Variants in FLYWCH2 observed in about 807,000 individuals in gnomAD.
FLYWCH2 encodes FLYWCH family member 2.
Under a neutral mutation model 6.0 loss-of-function variants are expected in FLYWCH2, and 2 were observed. The ratio of observed to expected loss-of-function variants is 0.33; its 90% CI spans 0.14 to 1.04. The LOEUF is 1.04. Ranked by LOEUF, FLYWCH2 falls within the 50% of genes least tolerant of loss-of-function variation. FLYWCH2 has a pLI of 0.45. For synonymous variants in FLYWCH2, 87 were observed against 79.3 expected (o/e 1.10, Z -0.52); for missense variants, 192 against 183.4 (o/e 1.05, Z -0.27).
rs1172960344 is a variant in FLYWCH2, at chr16:2,884,561, A to AAAAAAACAAAAAC, written c.-200+1201_-200+1202insCAAAAACAAAAAA. Among the ~76,000 whole-genome samples, 33 of 141,006 alleles carry AAAAAAACAAAAAC rather than the reference A, an allele frequency of 2.3e-4. 1 individual carries two copies. The highest frequency in any genetic ancestry group is 1.2e-3 in the Admixed American group (17 of 14,058). 92.5% of individuals were successfully genotyped at this position (141,006 alleles called of 152,430 possible). Reference sequence around the variant, plus strand: ...CATGGTGAAACCCCGTCTCTACTAAAAAAAAAAAAAAAAAAATACAAAAAT... The same window carrying AAAAAAACAAAAAC: ...CATGGTGAAACCCCGTCTCTACTAAAAAAAAACAAAAACAAAAAAAAAAAAAAAATACAAAAAT... On this transcript the variant is annotated intron_variant, in intron 1 of 3. Coordinates refer to ENST00000396958, the MANE Select transcript of FLYWCH2 (RefSeq NM_138439.3).
chr16:2,885,105 G>A (rs1262831874), intron 1 of FLYWCH2, among the ~76,000 whole-genome samples: 2 of 152,030 alleles, frequency 1.3e-5, no homozygotes, highest in African/African-American at 4.8e-5. Flanking sequence ...GGCGGATCAC[G>A]AGGTCAGGAG....
At chr16:2,888,755 C>T (rs947977453) in intron 1 of FLYWCH2, among the ~76,000 whole-genome samples, 2 of 152,064 alleles carry the variant, frequency 1.3e-5, no homozygotes, top group Non-Finnish European at 2.9e-5. Flanking sequence ...TCTTGGCTAC[C>T]TTGTCCTCCA....
chr16:2,884,658 T>C (rs2069678553), intron 1 of FLYWCH2, among the ~76,000 whole-genome samples: 1 of 147,720 alleles, frequency 6.8e-6, no homozygotes. Context: ...GTGGATCACC[T>C]GAGGTCGGGA....
intron 3 of FLYWCH2, chr16:2,897,041 A>G: frequency 1.8e-6 from 1 of 553,948 alleles, no homozygotes; most frequent in Non-Finnish European, 3.2e-6. Context: ...GGAGGGTCTG[A>G]GGGTGCGGCG....
chr16:2,889,606 G>T (rs1231438112), intron 1 of FLYWCH2, among the ~76,000 whole-genome samples: 3 of 151,246 alleles, frequency 2.0e-5, no homozygotes, highest in African/African-American at 7.3e-5. Context: ...GGTTTTCTGT[G>T]ATAAAATAGT....
chr16:2,887,887 A>G (rs1048933463), intron 1 of FLYWCH2, among the ~76,000 whole-genome samples: 2 of 151,858 alleles, frequency 1.3e-5, no homozygotes, highest in East Asian at 1.9e-4. Flanking sequence ...CGTTAAGACT[A>G]TTTTCCCTCC....
chr16:2,887,285 A>G (rs1173453460), intron 1 of FLYWCH2, among the ~76,000 whole-genome samples: 5 of 144,636 alleles, frequency 3.5e-5, no homozygotes, highest in Non-Finnish European at 6.0e-5. Flanking sequence ...AGCTGGGACC[A>G]CGGGTGCACA....
At chr16:2,885,927 G>C (rs1274100464) in intron 1 of FLYWCH2, among the ~76,000 whole-genome samples, 1 of 152,120 alleles carries the variant, frequency 6.6e-6, no homozygotes, top group Admixed American at 6.6e-5. Flanking sequence ...AAAAATGGCT[G>C]CACCATTTTA....
Position 2,896,342 on chromosome 16 carries a change from C to T in FLYWCH2, c.-98-10C>T. On this transcript the variant is annotated splice_polypyrimidine_tract_variant and intron_variant, in intron 2 of 3. Transcript: ENST00000396958. ...TTCCACCACTGACGGGATTTTGCTT[C>T]CTTCCTTAGGACGGAACCGCTGGAC... is the stretch of plus-strand genomic sequence containing the variant. The T allele has an allele frequency of 7.2e-7, 1 of 1,389,880 alleles. No individual in the cohort carries two copies. The highest frequency in any genetic ancestry group is 9.5e-7 in the Non-Finnish European group (1 of 1,054,350). The allele number at this position is 1,389,880 out of a possible 1,614,324, so 86.1% of individuals were successfully genotyped here.
intron 1 of FLYWCH2, among the ~76,000 whole-genome samples, chr16:2,884,565 A>AAAAAAAAAAAAC (rs1231997310): frequency 1.4e-5 from 2 of 144,732 alleles, no homozygotes; most frequent in African/African-American, 5.1e-5. Flanking sequence ...TACTAAAAAA[A>AAAAAAAAAAAAC]AAAAAAAAAA....
chr16:2,896,760 G>A lies in FLYWCH2; in HGVS notation c.311G>A (p.Arg104Lys), dbSNP rs755409142. ...CAGGAGCCTGAGCAGAAACGGAGCA[G>A]GCAGGACCCAGGTGAGGCTCCACAG... ...APQEPEQKRS[R>K]QDPGTDRTED... The change falls in exon 3 of 4, where the codon AGG (arginine) becomes AAG (lysine). Residue 104 changes from arginine to lysine, a missense_variant. Transcript: ENST00000396958. 1.4e-5 allele frequency: 23 copies of A among 1,610,192 alleles called. No homozygotes were observed. The highest frequency in any genetic ancestry group is 1.9e-5 in the Non-Finnish European group (23 of 1,179,762).
Position 2,896,634 on chromosome 16 carries a change from T to C in FLYWCH2, c.185T>C (p.Val62Ala). ...GTGGCGGGGGCCAAGCGCAAGGGTG[T>C]GCACTGTGTCATGTCCCTGGGGGTG... ...TKVAGAKRKG[V>A]HCVMSLGVPG... Residue 62 changes from valine to alanine, a missense_variant, in exon 3 of 4, where the codon GTG becomes GCG. Physicochemically the swap from Val to Ala is moderately conservative, Grantham distance 64. Coordinates refer to ENST00000396958, the MANE Select transcript of FLYWCH2 (RefSeq NM_138439.3). 1.2e-6 allele frequency: 2 copies of C among 1,613,728 alleles called. No individual in the cohort carries two copies. Among genetic ancestry groups the C allele is most frequent in the African/African-American group, 1.3e-5 (1 of 75,002 alleles).
intron 3 of FLYWCH2, 171 bp downstream of exon 3, chr16:2,896,942 G>T: frequency 1.5e-6 from 1 of 668,120 alleles, no homozygotes; most frequent in East Asian, 2.8e-5. Flanking sequence ...CTGGGCATCC[G>T]CCGACCTCCA....
chr16:2,884,634 G>A (rs2069678274), intron 1 of FLYWCH2, among the ~76,000 whole-genome samples: 1 of 150,006 alleles, frequency 6.7e-6, no homozygotes, highest in Admixed American at 6.7e-5. Flanking sequence ...CAGCACTTTG[G>A]GAGGCCAAGG....
chr16:2,892,489 C>G (rs1404988161), intron 1 of FLYWCH2, among the ~76,000 whole-genome samples: 3 of 121,984 alleles, frequency 2.5e-5, no homozygotes, highest in Non-Finnish European at 5.3e-5. Flanking sequence ...GAGCGAGACT[C>G]CATCTCAAAA....
intron 1 of FLYWCH2, among the ~76,000 whole-genome samples, chr16:2,888,951 T>G (rs982979248): frequency 6.6e-6 from 1 of 152,056 alleles, no homozygotes; most frequent in Non-Finnish European, 1.5e-5. Context: ...TGGGACTAAT[T>G]GTAGAAAAGA....
chr16:2,884,525 A>C (rs2069674289), intron 1 of FLYWCH2, among the ~76,000 whole-genome samples: 1 of 131,040 alleles, frequency 7.6e-6, no homozygotes, highest in Non-Finnish European at 1.6e-5. Flanking sequence ...GATAGAGACC[A>C]TTCTGACTAA....
At chr16:2,886,405 A>T (rs554984761) in intron 1 of FLYWCH2, among the ~76,000 whole-genome samples, 2,177 of 145,526 alleles carry the variant, frequency 0.015, 78 homozygotes, top group African/African-American at 0.056. Context: ...ACAGGGTTTC[A>T]CTATGTTGTC....
intron 1 of FLYWCH2, among the ~76,000 whole-genome samples, chr16:2,887,580 T>A (rs2069712906): frequency 6.6e-6 from 1 of 151,552 alleles, no homozygotes; most frequent in South Asian, 2.1e-4. Context: ...ATTATTATTA[T>A]TATTTTTTGA....
Sources: allele counts gnomAD v4.1 joint callset (sites outside exome capture counted in the v4.1 genomes callset), GRCh38; gene constraint gnomAD v4.1.1; transcripts MANE v1.5; gene names NCBI Gene and HGNC (gene_info 2026-07-23, HGNC 2026-07-21).